Variants in HTR4 observed in about 807,000 individuals in gnomAD.
HTR4 encodes the protein 5-hydroxytryptamine (serotonin) receptor 4, G protein-coupled.
In HTR4, 16 loss-of-function variants were observed where a neutral mutation model predicts 36.8. That is an observed-to-expected ratio of 0.43 (90% CI 0.29 to 0.66). The LOEUF (loss-of-function observed/expected upper bound fraction) is 0.66. Among genes scored for constraint, HTR4 ranks in the 30% least tolerant of loss-of-function variants. The pLI is 0.13. For missense variants in HTR4, 438 were observed against 490.9 expected (o/e 0.89, Z 1.02); for synonymous variants, 189 against 185.1 (o/e 1.02, Z -0.17).
chr5:148,508,924 T>G (rs1405748712), intron 6 of HTR4, among the ~76,000 whole-genome samples: 25 of 151,970 alleles, frequency 1.6e-4, no homozygotes, highest in Admixed American at 1.6e-3. Context: ...CTCATCTGTT[T>G]TAAAGGTGAG....
intron 2 of HTR4, among the ~76,000 whole-genome samples, chr5:148,619,428 C>A (rs1487685285): frequency 2.0e-5 from 3 of 151,880 alleles, no homozygotes; most frequent in Admixed American, 6.5e-5. Context: ...AAAGCAAAAT[C>A]TTTTTGAAAA....
intron 2 of HTR4, among the ~76,000 whole-genome samples, chr5:148,553,578 C>G (rs1759799942): frequency 6.6e-6 from 1 of 152,158 alleles, no homozygotes; most frequent in South Asian, 2.1e-4. Flanking sequence ...AGCCTTCTAA[C>G]AATTAAAGAT....
At chr5:148,577,451 G>A (rs1760969454) in intron 2 of HTR4, among the ~76,000 whole-genome samples, 2 of 152,058 alleles carry the variant, frequency 1.3e-5, no homozygotes, top group South Asian at 4.1e-4. Context: ...ATTCGACCCA[G>A]CAATCCCATT....
intron 1 of HTR4, among the ~76,000 whole-genome samples, chr5:148,650,094 C>T (rs1333136485): frequency 2.6e-5 from 4 of 151,906 alleles, no homozygotes; most frequent in Admixed American, 2.0e-4. Context: ...TGTTTTCATA[C>T]AGGTATGCAA....
intron 2 of HTR4, among the ~76,000 whole-genome samples, chr5:148,551,653 G>A (rs955639258): frequency 2.6e-5 from 4 of 152,062 alleles, no homozygotes; most frequent in African/African-American, 4.8e-5. Flanking sequence ...TTAGACCAGC[G>A]GTGTCCAATC....
chr5:148,543,783 G>C (rs975513148), intron 4 of HTR4, among the ~76,000 whole-genome samples: 6 of 152,150 alleles, frequency 3.9e-5, no homozygotes, highest in Non-Finnish European at 7.4e-5. Context: ...ACAAGCTTGT[G>C]AACAGGGAGG....
chr5:148,567,092 A>G (rs1004967667), intron 2 of HTR4, among the ~76,000 whole-genome samples: 3 of 152,156 alleles, frequency 2.0e-5, no homozygotes, highest in Admixed American at 2.0e-4. Flanking sequence ...CTTCATTTTA[A>G]GAAGTTTTTA....
intron 6 of HTR4, among the ~76,000 whole-genome samples, chr5:148,492,161 T>A (rs1756483419): frequency 1.3e-5 from 2 of 152,196 alleles, no homozygotes; most frequent in South Asian, 4.1e-4. Flanking sequence ...CTCTGAGGGC[T>A]GGTACACAGA....
At chr5:148,592,599 A>G (rs1332688062) in intron 2 of HTR4, among the ~76,000 whole-genome samples, 1 of 152,060 alleles carries the variant, frequency 6.6e-6, no homozygotes, top group East Asian at 1.9e-4. Flanking sequence ...CAATATTTTT[A>G]TATATGAATT....
In HTR4 at chr5:148,553,714, G is replaced by A. The variant is rs575543934; in HGVS notation, c.27-3452C>T. ...TGGCAATTATAAAAAATAAAACAAC[G>A]AATAAAAAATAACAAGTGTTGGTGT... On this transcript the variant is annotated intron_variant, in intron 2 of 6. Transcript: ENST00000377888. Among the ~76,000 whole-genome samples the A allele has an allele frequency of 2.3e-4, 35 of 152,298 alleles. No homozygotes were observed. In the South Asian group the frequency reaches 3.3e-3, roughly 14 times the overall value.
At chr5:148,599,089 T>A (rs1007340228) in intron 2 of HTR4, among the ~76,000 whole-genome samples, 8 of 151,654 alleles carry the variant, frequency 5.3e-5, no homozygotes, top group Non-Finnish European at 1.0e-4. Context: ...ACACACTGAC[T>A]AGATAATAGA....
chr5:148,477,728 G>A (rs1261879220), downstream of HTR4, among the ~76,000 whole-genome samples: 1 of 152,170 alleles, frequency 6.6e-6, no homozygotes. Context: ...ATTATGATCA[G>A]CCTTTACTTA....
At chr5:148,653,505 C>T (rs1050525257) in intron 1 of HTR4, among the ~76,000 whole-genome samples, 1 of 152,134 alleles carries the variant, frequency 6.6e-6, no homozygotes, top group African/African-American at 2.4e-5. Context: ...CGGCAGTGAC[C>T]GCCAAGGCTT....
intron 2 of HTR4, among the ~76,000 whole-genome samples, chr5:148,613,322 C>T (rs1399737613): frequency 8.0e-6 from 1 of 125,182 alleles, no homozygotes; most frequent in African/African-American, 3.0e-5. Context: ...CATCAAAAAG[C>T]TTATCCACCA....
intron 1 of HTR4, among the ~76,000 whole-genome samples, chr5:148,642,156 G>C (rs1477982168): frequency 2.0e-5 from 3 of 152,236 alleles, no homozygotes; most frequent in South Asian, 4.2e-4. Flanking sequence ...TTTCTTTTGG[G>C]ACAAGTGTCA....
intron 6 of HTR4, among the ~76,000 whole-genome samples, chr5:148,506,388 A>G (rs549695635): frequency 6.6e-5 from 10 of 152,236 alleles, no homozygotes; most frequent in Non-Finnish European, 8.8e-5. Context: ...TGGATTAAAG[A>G]CTTAAATGTC....
At chr5:148,562,194 A>T (rs1451331046) in intron 2 of HTR4, among the ~76,000 whole-genome samples, 2 of 152,214 alleles carry the variant, frequency 1.3e-5, no homozygotes, top group Non-Finnish European at 2.9e-5. Flanking sequence ...CTGAGTTTAC[A>T]CTACAAAAGT....
chr5:148,604,800 T>C (rs1302032611), intron 2 of HTR4, among the ~76,000 whole-genome samples: 2 of 152,336 alleles, frequency 1.3e-5, no homozygotes, highest in Admixed American at 1.3e-4. Flanking sequence ...AACTGATATA[T>C]GGTAATTACC....
chr5:148,617,951 G>A (rs1295392376), intron 2 of HTR4, among the ~76,000 whole-genome samples: 1 of 152,160 alleles, frequency 6.6e-6, no homozygotes, highest in Non-Finnish European at 1.5e-5. Context: ...AAGTAAGTCA[G>A]CAAGGCTTAG....
Sources: allele counts gnomAD v4.1 joint callset (sites outside exome capture counted in the v4.1 genomes callset), GRCh38; gene constraint gnomAD v4.1.1; transcripts MANE v1.5; gene names NCBI Gene and HGNC (gene_info 2026-07-23, HGNC 2026-07-21).